The following MIR2052HG variants were observed in gnomAD, a reference collection of about 807,000 sequenced individuals.
MIR2052HG encodes the protein MIR2052 host gene.
At chr8:74,673,713 T>C (rs952886727) in intron 2 of MIR2052HG, among the ~76,000 whole-genome samples, 1 of 151,786 alleles carries the variant, frequency 6.6e-6, no homozygotes, top group African/African-American at 2.4e-5. Flanking sequence ...CCTTTACAAC[T>C]TTCATCTGTG....
chr8:74,599,932 C>CGCCGTTTTTTAA (rs1167084143), intron 1 of MIR2052HG: 16 of 162,814 alleles, frequency 9.8e-5, no homozygotes, highest in African/African-American at 3.6e-4. Context: ...TCTCGTGGTG[C>CGCCGTTTTTTAA]GCCGTTTTTT....
chr8:74,721,402 A>G (rs1809576992), intron 4 of MIR2052HG, among the ~76,000 whole-genome samples: 1 of 152,182 alleles, frequency 6.6e-6, no homozygotes, highest in African/African-American at 2.4e-5. Context: ...TCATGTTTTT[A>G]TGAGTCAACT....
At chr8:74,699,009 G>A (rs1439522827) in intron 2 of MIR2052HG, among the ~76,000 whole-genome samples, 1 of 151,010 alleles carries the variant, frequency 6.6e-6, no homozygotes, top group African/African-American at 2.4e-5. Flanking sequence ...ATGAAAGAAT[G>A]GTCAACTTCA....
intron 1 of MIR2052HG, chr8:74,603,567 GC>G: frequency 6.5e-7 from 1 of 1,545,230 alleles, no homozygotes; most frequent in Non-Finnish European, 9.0e-7. Flanking sequence ...ATCCAGTGTT[GC>G]CATGCGTCAT....
At chr8:74,718,949 C>A (rs376931992) in intron 4 of MIR2052HG, among the ~76,000 whole-genome samples, 1 of 152,198 alleles carries the variant, frequency 6.6e-6, no homozygotes, top group East Asian at 1.9e-4. Flanking sequence ...CAGCCCATTG[C>A]AGAAATGTAG....
intron 1 of MIR2052HG, among the ~76,000 whole-genome samples, chr8:74,600,419 A>G (rs1807978792): frequency 6.6e-6 from 1 of 151,454 alleles, no homozygotes; most frequent in Admixed American, 6.6e-5. Flanking sequence ...CCCCGTTTCC[A>G]CTAAAAATAC....
intron 2 of MIR2052HG, among the ~76,000 whole-genome samples, chr8:74,659,782 A>G (rs970207430): frequency 1.3e-5 from 2 of 152,140 alleles, no homozygotes; most frequent in African/African-American, 2.4e-5. Context: ...TTTTCTATTT[A>G]TGAACTTCCT....
chr8:74,668,690 C>G (rs1156520174), intron 2 of MIR2052HG, among the ~76,000 whole-genome samples: 2 of 152,192 alleles, frequency 1.3e-5, no homozygotes, highest in African/African-American at 4.8e-5. Flanking sequence ...GCTGGCAGAG[C>G]TGTCCCCAAA....
chr8:74,606,065 A>T (rs1205662080), intron 1 of MIR2052HG, among the ~76,000 whole-genome samples: 1 of 152,218 alleles, frequency 6.6e-6, no homozygotes, highest in South Asian at 2.1e-4. Flanking sequence ...ATTTTACAGA[A>T]GTAAAGTAGG....
chr8:74,641,789 G>T, intron 2 of MIR2052HG, among the ~76,000 whole-genome samples: 1 of 152,084 alleles, frequency 6.6e-6, no homozygotes, highest in East Asian at 1.9e-4. Flanking sequence ...GATACTTGTA[G>T]GTTATATCCA....
chr8:74,605,760 T>C (rs1465277575), intron 1 of MIR2052HG, among the ~76,000 whole-genome samples: 1 of 151,436 alleles, frequency 6.6e-6, no homozygotes, highest in Non-Finnish European at 1.5e-5. Flanking sequence ...AAACTAGAAA[T>C]AAAAAACTAA....
intron 4 of MIR2052HG, among the ~76,000 whole-genome samples, chr8:74,749,635 G>A (rs887036356): frequency 6.6e-6 from 1 of 152,022 alleles, no homozygotes; most frequent in East Asian, 1.9e-4. Context: ...TGGATCTTGA[G>A]GTCAGGAGCA....
At chr8:74,742,746 C>T (rs1407178104) in intron 4 of MIR2052HG, among the ~76,000 whole-genome samples, 1 of 152,134 alleles carries the variant, frequency 6.6e-6, no homozygotes, top group Non-Finnish European at 1.5e-5. Flanking sequence ...GTTATTAGTT[C>T]TCTAGGTGTC....
chr8:74,680,768 G>A (rs1208859292), intron 2 of MIR2052HG, among the ~76,000 whole-genome samples: 1 of 152,038 alleles, frequency 6.6e-6, no homozygotes, highest in Non-Finnish European at 1.5e-5. Flanking sequence ...GCACACGTAT[G>A]TTTATTGCGG....
chr8:74,711,343 G>C (rs538701164), intron 4 of MIR2052HG, among the ~76,000 whole-genome samples: 1 of 152,254 alleles, frequency 6.6e-6, no homozygotes, highest in South Asian at 2.1e-4. Context: ...ATTGTTTACT[G>C]TTCTATACCC....
intron 2 of MIR2052HG, among the ~76,000 whole-genome samples, chr8:74,664,147 T>C (rs1376583601): frequency 7.0e-6 from 1 of 142,864 alleles, no homozygotes; most frequent in South Asian, 2.3e-4. Context: ...AGGCGGTGTG[T>C]GATAAAAAAA....
At chr8:74,744,341 A>G (rs1252033586) in intron 4 of MIR2052HG, among the ~76,000 whole-genome samples, 1 of 151,098 alleles carries the variant, frequency 6.6e-6, no homozygotes, top group Non-Finnish European at 1.5e-5. Context: ...ATTTATTATT[A>G]TACTTTAAGT....
chr8:74,711,017 C>A (rs1015372238), intron 4 of MIR2052HG, among the ~76,000 whole-genome samples: 3 of 152,204 alleles, frequency 2.0e-5, no homozygotes, highest in Non-Finnish European at 4.4e-5. Flanking sequence ...TATGCCTTGA[C>A]AGGGCTCAGT....
chr8:74,739,032 G>A (rs563366828), intron 4 of MIR2052HG, among the ~76,000 whole-genome samples: 1 of 152,298 alleles, frequency 6.6e-6, no homozygotes, highest in South Asian at 2.1e-4. Context: ...AGTTTTTAAA[G>A]TTCATTAAAG....
Sources: allele counts gnomAD v4.1 joint callset (sites outside exome capture counted in the v4.1 genomes callset), GRCh38; gene constraint gnomAD v4.1.1; transcripts MANE v1.5; gene names NCBI Gene and HGNC (gene_info 2026-07-23, HGNC 2026-07-21).